The following GABRG3 variants were observed in gnomAD, a reference collection of about 807,000 sequenced individuals.
GABRG3 encodes gamma-aminobutyric acid type A receptor subunit gamma3, also known as gamma-aminobutyric acid receptor subunit gamma-3.
Under a neutral mutation model 48.8 loss-of-function variants are expected in GABRG3, and 25 were observed. The observed-to-expected ratio is 0.51, with a 90% CI of 0.37 to 0.72. The LOEUF (loss-of-function observed/expected upper bound fraction) is 0.72. Ranked by LOEUF, GABRG3 falls within the 30% of genes least tolerant of loss-of-function variation. The pLI is 0.00. For synonymous variants in GABRG3, 227 were observed against 217.6 expected (o/e 1.04, Z -0.38); for missense variants, 394 against 577.9 (o/e 0.68, Z 3.26).
At chr15:27,308,880 A>T (rs1334492007) in intron 3 of GABRG3, among the ~76,000 whole-genome samples, 2 of 150,552 alleles carry the variant, frequency 1.3e-5, no homozygotes, top group African/African-American at 4.8e-5. Context: ...ATAAAAACAG[A>T]ATTTAAACAT....
intron 6 of GABRG3, among the ~76,000 whole-genome samples, chr15:27,512,004 A>G (rs1027809062): frequency 2.0e-5 from 3 of 152,140 alleles, no homozygotes; most frequent in Admixed American, 1.3e-4. Flanking sequence ...GTGGGGCAAG[A>G]GCTGTTTCCT....
At chr15:27,255,003 C>T (rs1243804779) in intron 3 of GABRG3, among the ~76,000 whole-genome samples, 1 of 152,156 alleles carries the variant, frequency 6.6e-6, no homozygotes, top group Non-Finnish European at 1.5e-5. Flanking sequence ...ATGCCTCCCA[C>T]GGCCACTCTG....
chr15:27,520,959 G>GGAT (rs1199981813), intron 7 of GABRG3, among the ~76,000 whole-genome samples: 1 of 151,800 alleles, frequency 6.6e-6, no homozygotes, highest in African/African-American at 2.4e-5. Flanking sequence ...TAATTAGCCT[G>GGAT]TAATATCCTC....
intron 2 of GABRG3, among the ~76,000 whole-genome samples, chr15:27,015,276 G>C (rs1213137732): frequency 6.6e-6 from 1 of 151,772 alleles, no homozygotes; most frequent in Non-Finnish European, 1.5e-5. Flanking sequence ...AGTAATTACT[G>C]ATAGGGAAGG....
chr15:27,265,882 G>GTTTTTTTTTTTTTTTTTT (rs57522857), intron 3 of GABRG3, among the ~76,000 whole-genome samples: 10 of 127,574 alleles, frequency 7.8e-5, no homozygotes, highest in East Asian at 2.2e-4. Flanking sequence ...TTTTCTCCTG[G>GTTTTTTTTTTTTTTTTTT]TTTTTTTTTT....
chr15:27,515,113 T>C lies in GABRG3; in HGVS notation c.713-4859T>C, dbSNP rs1595804533. ...TTTTGTTTTTTTTGAGACGGAGTTTTGCTCTCGTTGCCCAGGCTGGAATGC... is the reference window on the plus strand; with the variant it reads ...TTTTGTTTTTTTTGAGACGGAGTTTCGCTCTCGTTGCCCAGGCTGGAATGC... On this transcript the variant is annotated intron_variant, in intron 6 of 9. Coordinates refer to ENST00000615808, the MANE Select transcript of GABRG3 (RefSeq NM_033223.5). Among the ~76,000 whole-genome samples, 3 of 152,160 alleles carry C rather than the reference T, an allele frequency of 2.0e-5. No individual in the cohort carries two copies. The South Asian group carries it at 6.2e-4, about 32-fold the overall frequency.
intron 3 of GABRG3, among the ~76,000 whole-genome samples, chr15:27,035,322 G>A (rs887895562): frequency 1.3e-5 from 2 of 152,194 alleles, no homozygotes; most frequent in African/African-American, 4.8e-5. Context: ...TAACTTTTCA[G>A]TGATTTAGGG....
At chr15:27,336,727 G>A (rs1021373612) in intron 5 of GABRG3, among the ~76,000 whole-genome samples, 1 of 152,186 alleles carries the variant, frequency 6.6e-6, no homozygotes, top group Non-Finnish European at 1.5e-5. Context: ...ATTCATAGTA[G>A]CACTATTCTT....
intron 3 of GABRG3, among the ~76,000 whole-genome samples, chr15:27,292,097 T>A (rs968633049): frequency 6.6e-5 from 10 of 152,320 alleles, no homozygotes; most frequent in African/African-American, 2.2e-4. Flanking sequence ...TTCATCCATG[T>A]CCCTGCAAAG....
At chr15:27,300,674 TAAGC>T (rs1566763765) in intron 3 of GABRG3, among the ~76,000 whole-genome samples, 3 of 12,328 alleles carry the variant, frequency 2.4e-4, no homozygotes, top group African/African-American at 3.6e-4. Flanking sequence ...AATAAATAAA[TAAGC>T]AAAAAAAAAA....
intron 5 of GABRG3, among the ~76,000 whole-genome samples, chr15:27,468,415 G>T (rs990841925): frequency 6.6e-6 from 1 of 152,178 alleles, no homozygotes. Context: ...TGGGGTTGGT[G>T]GTTGTGTGGT....
intron 2 of GABRG3, among the ~76,000 whole-genome samples, chr15:27,006,209 T>C (rs1895582044): frequency 6.6e-6 from 1 of 152,068 alleles, no homozygotes; most frequent in Non-Finnish European, 1.5e-5. Flanking sequence ...TTTTTTTGTT[T>C]GTTTGTTTTT....
chr15:27,272,259 T>G (rs1277100563), intron 3 of GABRG3, among the ~76,000 whole-genome samples: 1 of 152,248 alleles, frequency 6.6e-6, no homozygotes, highest in African/African-American at 2.4e-5. Flanking sequence ...TCATGGAAGT[T>G]GCATCTGTGC....
At chr15:27,349,935 CT>C (rs371119700) in intron 5 of GABRG3, among the ~76,000 whole-genome samples, 1 of 144,462 alleles carries the variant, frequency 6.9e-6, no homozygotes. Context: ...GCCCTAAGGT[CT>C]TTTTTTTTTC....
At chr15:27,205,040 CT>C (rs1888808985) in intron 3 of GABRG3, among the ~76,000 whole-genome samples, 1 of 151,606 alleles carries the variant, frequency 6.6e-6, no homozygotes, top group African/African-American at 2.4e-5. Flanking sequence ...TTTTCTATGC[CT>C]TTTATTTCTT....
chr15:26,998,947 A>C (rs1945423674), intron 2 of GABRG3, among the ~76,000 whole-genome samples: 1 of 152,116 alleles, frequency 6.6e-6, no homozygotes, highest in Non-Finnish European at 1.5e-5. Context: ...TTTTCCGTTA[A>C]ATGGGTCTTT....
At chr15:27,094,894 G>A (rs1595521222) in intron 3 of GABRG3, among the ~76,000 whole-genome samples, 1 of 152,178 alleles carries the variant, frequency 6.6e-6, no homozygotes, top group African/African-American at 2.4e-5. Context: ...TATATATTAT[G>A]ACAACAAACA....
intron 5 of GABRG3, among the ~76,000 whole-genome samples, chr15:27,477,088 G>T (rs898279890): frequency 6.6e-6 from 1 of 152,002 alleles, no homozygotes; most frequent in Admixed American, 6.6e-5. Flanking sequence ...AAAAACAAAG[G>T]AAAAATCAAA....
intron 5 of GABRG3, chr15:27,420,574 G>A (rs1193120633): frequency 6.6e-6 from 1 of 152,212 alleles, no homozygotes; most frequent in Non-Finnish European, 1.5e-5. Context: ...CGTGTGAGAT[G>A]ATGGACATGT....
Sources: allele counts gnomAD v4.1 joint callset (sites outside exome capture counted in the v4.1 genomes callset), GRCh38; gene constraint gnomAD v4.1.1; transcripts MANE v1.5; gene names NCBI Gene and HGNC (gene_info 2026-07-23, HGNC 2026-07-21).